Variants in MCPH1 observed in about 807,000 individuals in gnomAD.
MCPH1 encodes the protein microcephalin 1, also known as microcephalin.
A neutral mutation model predicts 84.5 loss-of-function variants in MCPH1; 104 were observed. The ratio of observed to expected loss-of-function variants is 1.23; its 90% CI spans 1.05 to 1.45. The LOEUF (loss-of-function observed/expected upper bound fraction) is 1.45, where lower values mean the gene tolerates loss of function less well. Among genes scored for constraint, MCPH1 ranks in the 40% most tolerant of loss-of-function variants. The pLI is 0.00. For synonymous variants in MCPH1, 514 were observed against 366.8 expected, an observed-to-expected ratio of 1.40 and a Z score of -4.58; for missense variants, 1,498 against 1,005.7, an observed-to-expected ratio of 1.49 and a Z score of -6.62.
intron 7 of MCPH1, 67 bp from the exon 8 acceptor site, chr8:6,444,326 A>G: frequency 1.3e-6 from 2 of 1,591,738 alleles, no homozygotes; most frequent in Middle Eastern, 1.7e-4. Context: ...TTATTGGTCA[A>G]CTGAAAGTTG....
rs1306315642 is a variant in MCPH1 at position 6,647,507 on chromosome 8, A to C, written c.*4458A>C. 4 of 152,244 alleles carry C rather than the reference A, an allele frequency of 2.6e-5. No individual in the cohort carries two copies. Among genetic ancestry groups the C allele is most frequent in the Non-Finnish European group, 5.9e-5 (4 of 68,042 alleles). The allele number at this position is 152,244 out of a possible 1,614,324, so 9.4% of individuals were successfully genotyped here. A position where few individuals can be genotyped will look rare whatever the true frequency, so the allele number is the denominator to read the frequency against. On this transcript the variant is annotated 3_prime_UTR_variant, in exon 14 of 14. Coordinates refer to ENST00000344683, the MANE Select transcript of MCPH1 (RefSeq NM_024596.5). ...CATAGCAACATTATTCATAATAACCAAAAATTAGCCCATCAACTGAAAAGT... is the reference window on the plus strand; with the variant it reads ...CATAGCAACATTATTCATAATAACCCAAAATTAGCCCATCAACTGAAAAGT...
chr8:6,602,249 C>A (rs1398655290), intron 12 of MCPH1, among the ~76,000 whole-genome samples: 1 of 152,196 alleles, frequency 6.6e-6, no homozygotes, highest in African/African-American at 2.4e-5. Flanking sequence ...GCCTTAAGCA[C>A]CAAGAGCAGG....
chr8:6,625,990 G>C, intron 13 of MCPH1: 1 of 985,190 alleles, frequency 1.0e-6, no homozygotes, highest in Non-Finnish European at 1.2e-6. Context: ...AGGAAGGTGG[G>C]TACTGAAACG....
chr8:6,473,942 A>C, intron 9 of MCPH1: 2 of 1,424,924 alleles, frequency 1.4e-6, no homozygotes. Context: ...CCGATGCACA[A>C]CTTCTTCCTT....
intron 13 of MCPH1, among the ~76,000 whole-genome samples, chr8:6,631,009 G>T (rs542063390): frequency 7.2e-5 from 11 of 152,284 alleles, no homozygotes; most frequent in African/African-American, 2.4e-4. Context: ...CTGCAGAGAT[G>T]TTGCAGGTGC....
intron 12 of MCPH1, among the ~76,000 whole-genome samples, chr8:6,591,411 C>A (rs746767315): frequency 1.3e-5 from 2 of 152,178 alleles, no homozygotes; most frequent in African/African-American, 4.8e-5. Flanking sequence ...GCCCTGGTAA[C>A]GTGATTTCTC....
chr8:6,567,395 C>T (rs1365951955), intron 12 of MCPH1, among the ~76,000 whole-genome samples: 5 of 152,224 alleles, frequency 3.3e-5, no homozygotes, highest in Non-Finnish European at 7.3e-5. Context: ...GCACACGGTG[C>T]AGTGACCACC....
chr8:6,406,997 C>T (rs1336761898), intron 1 of MCPH1: 5 of 447,136 alleles, frequency 1.1e-5, no homozygotes, highest in Non-Finnish European at 2.0e-5. Context: ...TGCCCCAACC[C>T]CCGTGCTGCT....
chr8:6,431,007 A>C (rs1801756016), intron 3 of MCPH1, among the ~76,000 whole-genome samples: 1 of 152,186 alleles, frequency 6.6e-6, no homozygotes, highest in Non-Finnish European at 1.5e-5. Context: ...GGCAATGCGG[A>C]GCATTGGTTG....
At chr8:6,526,617 A>T (rs2515463) in intron 12 of MCPH1, among the ~76,000 whole-genome samples, 12,477 of 152,272 alleles carry the variant, frequency 0.082, 678 homozygotes, top group African/African-American at 0.14. Flanking sequence ...CTTGGTATCC[A>T]AAGGACAGAA....
At chr8:6,522,497 G>A (rs1320412085) in intron 12 of MCPH1, among the ~76,000 whole-genome samples, 2 of 152,148 alleles carry the variant, frequency 1.3e-5, no homozygotes, top group Admixed American at 6.5e-5. Context: ...TTGAGGGCCA[G>A]GCTCAGTGGC....
intron 12 of MCPH1, among the ~76,000 whole-genome samples, chr8:6,602,917 A>G (rs932873755): frequency 6.6e-6 from 1 of 151,912 alleles, no homozygotes; most frequent in Non-Finnish European, 1.5e-5. Flanking sequence ...ATATATATAT[A>G]TGTATATTTG....
chr8:6,431,724 C>T (rs1395924536), intron 4 of MCPH1, 138 bp downstream of exon 4: 1 of 622,360 alleles, frequency 1.6e-6, no homozygotes, highest in South Asian at 2.1e-5. Flanking sequence ...GTTCTTTTCA[C>T]ATAGCATTTT....
At chr8:6,632,002 T>TA (rs1373661417) in intron 13 of MCPH1, among the ~76,000 whole-genome samples, 1 of 152,162 alleles carries the variant, frequency 6.6e-6, no homozygotes, top group Non-Finnish European at 1.5e-5. Context: ...TATTCACCCT[T>TA]AAAAAGGAAG....
At position 6,520,594 on chromosome 8, in the gene MCPH1, C is replaced by T. The variant is rs75771492; in HGVS notation, c.2214+20665C>T. Among the ~76,000 whole-genome samples, 9 of 152,278 alleles carry T rather than the reference C, an allele frequency of 5.9e-5. No homozygotes were observed. The East Asian group carries it at 1.7e-3, about 29-fold the overall frequency. On this transcript the variant is annotated intron_variant, in intron 12 of 13. Coordinates refer to ENST00000344683, the MANE Select transcript of MCPH1 (RefSeq NM_024596.5). ...TATTTTTAGTAGAGACAGGATTTCA[C>T]CATGTTGGCCACGCTGGTCTCCAAC...
At chr8:6,411,627 C>G (rs1798554096) in intron 2 of MCPH1, among the ~76,000 whole-genome samples, 1 of 152,154 alleles carries the variant, frequency 6.6e-6, no homozygotes, top group African/African-American at 2.4e-5. Context: ...TGCAGTCACA[C>G]CAAACTGCAA....
At chr8:6,562,706 C>G (rs754246756) in intron 12 of MCPH1, 2 of 1,612,904 alleles carry the variant, frequency 1.2e-6, no homozygotes, top group Non-Finnish European at 1.7e-6. Context: ...AGCCTCTGCA[C>G]CGAGTCATCG....
intron 3 of MCPH1, among the ~76,000 whole-genome samples, chr8:6,416,043 G>C (rs1043808800): frequency 2.0e-5 from 3 of 151,916 alleles, no homozygotes; most frequent in Admixed American, 6.6e-5. Flanking sequence ...TAACTTTTTT[G>C]TTCATTTTCA....
At chr8:6,619,529 G>T (rs564865898) in intron 12 of MCPH1, among the ~76,000 whole-genome samples, 1 of 152,084 alleles carries the variant, frequency 6.6e-6, no homozygotes, top group East Asian at 1.9e-4. Context: ...GACCTCAAGT[G>T]ATCCACTCAC....
Sources: gnomAD v4.1 joint callset for allele counts (sites outside exome capture counted in the v4.1 genomes callset) on GRCh38, gnomAD v4.1.1 for gene constraint, MANE v1.5 for transcripts, NCBI Gene and HGNC (gene_info 2026-07-23, HGNC 2026-07-21) for gene names.